SERPINI2: variants seen among roughly 807,000 people sequenced by gnomAD.
SERPINI2 encodes the protein serpin I2.
Under a neutral mutation model 47.3 loss-of-function variants are expected in SERPINI2, and 48 were observed. The ratio of observed to expected loss-of-function variants is 1.02; its 90% CI spans 0.81 to 1.29. The LOEUF (loss-of-function observed/expected upper bound fraction) is 1.29, where lower values mean the gene tolerates loss of function less well. SERPINI2 is among the 50% of genes most tolerant of loss of function. The probability of loss-of-function intolerance (pLI) is 0.00; values close to 1 mark genes in which losing one functional copy is unlikely to be tolerated. For synonymous variants in SERPINI2, 135 were observed against 149.3 expected, an observed-to-expected ratio of 0.90 and a Z score of 0.70; for missense variants, 448 against 456.9, an observed-to-expected ratio of 0.98 and a Z score of 0.18.
rs1750104779 is a variant in SERPINI2 at position 167,465,457 on chromosome 3, G to C, written c.673+22C>G. ...TGGCAATTCTCAAGACTATGCTTAG[G>C]AACTGTGGTTTCTCACATTACCATA... On this transcript the variant is annotated intron_variant, in intron 4 of 8. Transcript: ENST00000264677. 3 of 1,610,406 alleles carry C rather than the reference G, an allele frequency of 1.9e-6. No homozygotes were observed. The East Asian group carries it at 6.7e-5, about 36-fold the overall frequency.
At chr3:167,449,340 C>A (rs1168893433) in exon 7 of SERPINI2, 2 of 1,612,938 alleles carry the variant, frequency 1.2e-6, no homozygotes, top group East Asian at 4.5e-5. Context: ...GCTTCACTAC[C>A]ATCTTCATTT....
At chr3:167,456,942 A>G (rs1749810895) in intron 5 of SERPINI2, among the ~76,000 whole-genome samples, 1 of 152,222 alleles carries the variant, frequency 6.6e-6, no homozygotes. Context: ...ATGTGTTATC[A>G]TTACTGCATT....
At chr3:167,456,940 T>C (rs1286072928) in intron 5 of SERPINI2, among the ~76,000 whole-genome samples, 1 of 152,242 alleles carries the variant, frequency 6.6e-6, no homozygotes, top group Non-Finnish European at 1.5e-5. Flanking sequence ...GCATGTGTTA[T>C]CATTACTGCA....
intron 1 of SERPINI2, among the ~76,000 whole-genome samples, chr3:167,472,326 T>A (rs1487022212): frequency 6.6e-6 from 1 of 152,058 alleles, no homozygotes; most frequent in Non-Finnish European, 1.5e-5. Context: ...TAATGTATTC[T>A]AAAGCAACTG....
At chr3:167,450,201 G>A (rs1361358720) in intron 6 of SERPINI2, among the ~76,000 whole-genome samples, 1 of 152,210 alleles carries the variant, frequency 6.6e-6, no homozygotes, top group Non-Finnish European at 1.5e-5. Context: ...AGGAACTTCT[G>A]TGTCACCTGT....
exon 9 of SERPINI2, chr3:167,442,049 T>C: frequency 7.6e-7 from 1 of 1,313,982 alleles, no homozygotes; most frequent in Non-Finnish European, 1.1e-6. Flanking sequence ...AAGATGACGA[T>C]ATTTTGCCAA....
chr3:167,463,765 G>A (rs879857885), intron 5 of SERPINI2, among the ~76,000 whole-genome samples: 3 of 152,128 alleles, frequency 2.0e-5, no homozygotes, highest in Non-Finnish European at 4.4e-5. Flanking sequence ...CTGATGATAG[G>A]TTTTCTTTAC....
chr3:167,454,511 C>G (rs1265459556), intron 5 of SERPINI2, among the ~76,000 whole-genome samples: 1 of 152,136 alleles, frequency 6.6e-6, no homozygotes, highest in Non-Finnish European at 1.5e-5. Context: ...TTTATTACCA[C>G]AGTCTTTAAA....
intron 3 of SERPINI2, 137 bp from the exon 4 acceptor site, chr3:167,465,810 AT>A: frequency 1.2e-5 from 8 of 646,822 alleles, no homozygotes. Context: ...AAATATGGTA[AT>A]TTTGAGAATA....
At chr3:167,445,146 T>G (rs954439778) in intron 8 of SERPINI2, among the ~76,000 whole-genome samples, 3 of 152,202 alleles carry the variant, frequency 2.0e-5, no homozygotes, top group Non-Finnish European at 1.5e-5. Context: ...TCATTGTTTT[T>G]AAGATATGAC....
At chr3:167,456,975 G>T (rs1312491468) in intron 5 of SERPINI2, among the ~76,000 whole-genome samples, 2 of 152,146 alleles carry the variant, frequency 1.3e-5, no homozygotes, top group East Asian at 3.8e-4. Flanking sequence ...AAAAATCTTA[G>T]AAAAGTAATT....
chr3:167,462,949 G>T (rs1050353574), intron 5 of SERPINI2, among the ~76,000 whole-genome samples: 3 of 152,148 alleles, frequency 2.0e-5, no homozygotes, highest in Admixed American at 1.3e-4. Context: ...GGAAATTCTG[G>T]TGAAAGCCTG....
chr3:167,469,229 G>A (rs1237536567), intron 2 of SERPINI2: 2 of 152,204 alleles, frequency 1.3e-5, no homozygotes, highest in Middle Eastern at 3.4e-3. Flanking sequence ...ATAGAGCCAT[G>A]GATAACCCAC....
intron 5 of SERPINI2, among the ~76,000 whole-genome samples, chr3:167,455,062 G>A (rs1749746444): frequency 1.3e-5 from 2 of 152,040 alleles, no homozygotes; most frequent in Admixed American, 1.3e-4. Context: ...CACCATATTG[G>A]TCAATATATA....
intron 2 of SERPINI2, among the ~76,000 whole-genome samples, chr3:167,470,001 C>T (rs1401244427): frequency 6.6e-5 from 10 of 152,116 alleles, no homozygotes; most frequent in East Asian, 1.9e-4. Context: ...TTTGATAGTG[C>T]GTTATTACTA....
intron 5 of SERPINI2, 68 bp downstream of exon 5, chr3:167,465,138 A>G: frequency 2.0e-5 from 27 of 1,337,714 alleles, no homozygotes; most frequent in Non-Finnish European, 2.8e-5. Flanking sequence ...GTTACCTTTC[A>G]GCTGACTGCT....
chr3:167,473,816 G>T, intron 1 of SERPINI2, 187 bp downstream of exon 1: 1 of 1,406,800 alleles, frequency 7.1e-7, no homozygotes, highest in Non-Finnish European at 9.2e-7. Flanking sequence ...AGTCCTATAA[G>T]AACTGGATCT....
chr3:167,471,945 G>T lies in SERPINI2; in HGVS notation c.-10-101C>A, dbSNP rs1750339675. The T allele has an allele frequency of 3.8e-6, 3 of 798,862 alleles. No homozygotes were observed. In the South Asian group the frequency reaches 5.4e-5, roughly 14 times the overall value. The allele number at this position is 798,862 out of a possible 1,614,324, so 49.5% of individuals were successfully genotyped here. A position where few individuals can be genotyped will look rare whatever the true frequency, so the allele number is the denominator to read the frequency against. On this transcript the variant is annotated intron_variant, in intron 1 of 8. Coordinates refer to ENST00000264677, the Ensembl canonical transcript of SERPINI2. The stretch of plus-strand genomic sequence containing the variant: ...CCTGTTGTAGCTTTCTATCTTAATA[G>T]AACTTACTACCACAAGTGAACTCTA...
intron 2 of SERPINI2, among the ~76,000 whole-genome samples, chr3:167,470,303 T>A (rs187396667): frequency 6.6e-6 from 1 of 152,294 alleles, no homozygotes; most frequent in Non-Finnish European, 1.5e-5. Flanking sequence ...ACGTCTTTTC[T>A]GTATAAAATT....
Sources: gnomAD v4.1 joint callset for allele counts (sites outside exome capture counted in the v4.1 genomes callset) on GRCh38, gnomAD v4.1.1 for gene constraint, MANE v1.5 for transcripts, NCBI Gene and HGNC (gene_info 2026-07-23, HGNC 2026-07-21) for gene names.